Variants in SSUH2 observed in about 807,000 individuals in gnomAD.
SSUH2 encodes the protein ssu-2 homolog.
A neutral mutation model predicts 55.3 loss-of-function variants in SSUH2; 47 were observed. The observed-to-expected ratio is 0.85, with a 90% CI of 0.67 to 1.08. SSUH2 has a LOEUF of 1.08. Among genes scored for constraint, SSUH2 ranks in the 50% least tolerant of loss-of-function variants. SSUH2 has a pLI of 0.00. For missense variants in SSUH2, 535 were observed against 490.7 expected (o/e 1.09, Z -0.85); for synonymous variants, 212 against 191.5 (o/e 1.11, Z -0.89).
chr3:8,674,701 A>C (rs1377417168), intron 3 of SSUH2, among the ~76,000 whole-genome samples: 1 of 152,118 alleles, frequency 6.6e-6, no homozygotes, highest in Non-Finnish European at 1.5e-5. Flanking sequence ...TTGCTCAGCA[A>C]GCTGAGAGCC....
chr3:8,637,969 C>A (rs935708316), intron 1 of SSUH2, among the ~76,000 whole-genome samples: 4 of 152,144 alleles, frequency 2.6e-5, no homozygotes, highest in Non-Finnish European at 5.9e-5. Context: ...AAAAACCAGA[C>A]AATAGAAGCT....
Position 8,619,671 on chromosome 3 carries a change from C to T in SSUH2, c.*197G>A, listed in dbSNP as rs1168146242. On this transcript the variant is annotated 3_prime_UTR_variant, in exon 12 of 12. Coordinates refer to ENST00000544814, the MANE Select transcript of SSUH2 (RefSeq NM_001256748.3). ...TATAGCTGAATTATTGTAGGTTAAA[C>T]ATATGAGTCATGGATTCCACCAGAG... 5.6e-6 allele frequency: 3 copies of T among 537,580 alleles called. No homozygotes were observed. Among genetic ancestry groups the T allele is most frequent in the Non-Finnish European group, 9.7e-6 (3 of 309,244 alleles). The allele number at this position is 537,580 out of a possible 1,614,324, so 33.3% of individuals were successfully genotyped here. A position where few individuals can be genotyped will look rare whatever the true frequency, so the allele number is the denominator to read the frequency against.
intron 3 of SSUH2, among the ~76,000 whole-genome samples, chr3:8,675,267 A>G (rs1283343587): frequency 2.6e-5 from 4 of 152,206 alleles, no homozygotes; most frequent in African/African-American, 9.6e-5. Flanking sequence ...TTCAGTGGGA[A>G]GATCCGGAGT....
intron 7 of SSUH2, among the ~76,000 whole-genome samples, chr3:8,658,186 C>T (rs1413214001): frequency 3.3e-5 from 5 of 152,206 alleles, no homozygotes; most frequent in Admixed American, 6.5e-5. Flanking sequence ...TAAGAGATGA[C>T]GACATGTGTA....
rs115185210 is a variant in SSUH2, at chr3:8,622,821, C to G, written c.981+728G>C. On this transcript the variant is annotated intron_variant, in intron 11 of 11. Coordinates refer to ENST00000544814, the MANE Select transcript of SSUH2 (RefSeq NM_001256748.3). ...CATTTCGAGGGTTTTGCTGCAAAAC[C>G]CTCTGAGGTGCTTTAGTGTCTTTTT... Among the ~76,000 whole-genome samples, 744 of 152,224 alleles carry G rather than the reference C, an allele frequency of 4.9e-3. 5 individuals are homozygous for G. Among genetic ancestry groups the G allele is most frequent in the African/African-American group, 0.017 (700 of 41,542 alleles).
chr3:8,681,025 T>TGGGA (rs1705898442), intron 1 of SSUH2, among the ~76,000 whole-genome samples: 1 of 137,838 alleles, frequency 7.3e-6, no homozygotes, highest in Non-Finnish European at 1.6e-5. Context: ...AACCTCCAAG[T>TGGGA]GGCGGGGACT....
intron 7 of SSUH2, among the ~76,000 whole-genome samples, chr3:8,656,733 G>A (rs182526825): frequency 6.6e-6 from 1 of 152,298 alleles, no homozygotes; most frequent in East Asian, 1.9e-4. Flanking sequence ...GAGGCACAGG[G>A]AGGAAGTGAC....
chr3:8,646,160 G>A (rs190516383), upstream of SSUH2, among the ~76,000 whole-genome samples: 43 of 152,240 alleles, frequency 2.8e-4, no homozygotes, highest in African/African-American at 7.7e-4. Flanking sequence ...CTTTCTCTGC[G>A]TGTATATTTT....
intron 10 of SSUH2, among the ~76,000 whole-genome samples, chr3:8,624,894 A>C (rs866106944): frequency 2.0e-5 from 3 of 151,800 alleles, no homozygotes; most frequent in Admixed American, 6.6e-5. Context: ...CCTCTGCCCC[A>C]CTGTCCCCTC....
At chr3:8,670,213 G>A (rs909518934) in intron 5 of SSUH2, among the ~76,000 whole-genome samples, 10 of 152,152 alleles carry the variant, frequency 6.6e-5, no homozygotes, top group Non-Finnish European at 1.5e-4. Flanking sequence ...TGGGATATAT[G>A]AGGATGGTCA....
intron 9 of SSUH2, 93 bp from the exon 10 acceptor site, chr3:8,625,740 G>C: frequency 1.2e-6 from 1 of 831,220 alleles, no homozygotes; most frequent in Non-Finnish European, 2.0e-6. Context: ...TTGAGGGCTT[G>C]AATTGCTACT....
Position 8,631,923 on chromosome 3 carries a change from G to A in SSUH2, c.400+126C>T, listed in dbSNP as rs920333323. The A allele has an allele frequency of 1.4e-5, 10 of 725,692 alleles. No homozygotes were observed. In the African/African-American group the frequency reaches 1.8e-4, roughly 13 times the overall value. The allele number at this position is 725,692 out of a possible 1,614,324, so 45.0% of individuals were successfully genotyped here. A position where few individuals can be genotyped will look rare whatever the true frequency, so the allele number is the denominator to read the frequency against. On this transcript the variant is annotated intron_variant, in intron 5 of 11. Coordinates refer to ENST00000544814, the MANE Select transcript of SSUH2 (RefSeq NM_001256748.3). ...ATCCTCTCATTTTGCAGGGGGTAAG[G>A]AAGCCAAGGCTCCAAGCAGAAGACC... is the stretch of plus-strand genomic sequence containing the variant.
At chr3:8,663,982 T>C in intron 5 of SSUH2, 2 of 374,012 alleles carry the variant, frequency 5.3e-6, no homozygotes, top group South Asian at 2.0e-5. Context: ...TTACACAATA[T>C]AGCTTCTAAG....
At chr3:8,634,270 C>T (rs530371735) in intron 3 of SSUH2, 19 of 738,986 alleles carry the variant, frequency 2.6e-5, no homozygotes, top group South Asian at 3.4e-5. Flanking sequence ...CTGATGGCAG[C>T]GCCCATGGAG....
At chr3:8,663,929 A>G (rs1703736818) in intron 5 of SSUH2, 2 of 432,566 alleles carry the variant, frequency 4.6e-6, no homozygotes, top group African/African-American at 4.1e-5. Context: ...AGATAAAAAT[A>G]TTTTCCTTGG....
At chr3:8,660,806 A>G (rs1402453652) in intron 6 of SSUH2, among the ~76,000 whole-genome samples, 2 of 152,228 alleles carry the variant, frequency 1.3e-5, no homozygotes, top group Admixed American at 1.3e-4. Context: ...TCTTTGTTCA[A>G]TGCTCAGCTT....
Position 8,633,715 on chromosome 3 carries a change from A to T in SSUH2, c.290T>A (p.Val97Glu), listed in dbSNP as rs758301597. The change falls in exon 4 of 12, where the codon GTG becomes GAG. Residue 97 changes from valine (V) to glutamate (E), a missense_variant. Physicochemically the swap from Val to Glu is moderately radical, Grantham distance 121. Transcript: ENST00000544814. ...VDSKCCYSST[V>E]AGDLVIQELK... Reference sequence around the variant, plus strand: ...CTCCTGGATGACGAGGTCTCCAGCCACCGTGCTGCTGTAGCAGCACTTAGA... The same window carrying T: ...CTCCTGGATGACGAGGTCTCCAGCCTCCGTGCTGCTGTAGCAGCACTTAGA... 4 of 1,554,848 alleles carry T rather than the reference A, an allele frequency of 2.6e-6. No homozygotes were observed. The South Asian group carries it at 3.6e-5, about 14-fold the overall frequency.
intron 7 of SSUH2, chr3:8,629,125 C>G (rs355052): frequency 0.81 from 123,655 of 152,586 alleles, 50,319 homozygotes; most frequent in East Asian, 0.99. Flanking sequence ...TCCCAAAGTG[C>G]TGGGATTACA....
Position 8,635,295 on chromosome 3 carries a change from C to T in SSUH2, c.209+5G>A, listed in dbSNP as rs778988848. On this transcript the variant is annotated splice_donor_5th_base_variant and intron_variant, in intron 3 of 11. Coordinates refer to ENST00000544814, the MANE Select transcript of SSUH2 (RefSeq NM_001256748.3). ...CACAGTCACAGAGTACAACCTGAAA[C>T]TCACCTGTGTTCCAGGAACGAGGGC... 2.7e-5 allele frequency: 41 copies of T among 1,534,420 alleles called. No homozygotes were observed. Among genetic ancestry groups the T allele is most frequent in the Admixed American group, 5.9e-5 (3 of 50,848 alleles).
Sources: gnomAD v4.1 joint callset for allele counts (sites outside exome capture counted in the v4.1 genomes callset) on GRCh38, gnomAD v4.1.1 for gene constraint, MANE v1.5 for transcripts, NCBI Gene and HGNC (gene_info 2026-07-23, HGNC 2026-07-21) for gene names.